The following ZFYVE28 variants were observed in gnomAD, a reference collection of about 807,000 sequenced individuals.
ZFYVE28 encodes zinc finger FYVE-type containing 28.
ZFYVE28 carries 40 observed loss-of-function variants against 82.1 expected under a neutral mutation model. That is an observed-to-expected ratio of 0.49 (90% CI 0.38 to 0.63). ZFYVE28 has a LOEUF of 0.63. Ranked by LOEUF, ZFYVE28 falls within the 30% of genes least tolerant of loss-of-function variation. The pLI, the probability that ZFYVE28 is intolerant of heterozygous loss-of-function variation, is 0.00. For synonymous variants in ZFYVE28, 612 were observed against 546.1 expected (o/e 1.12, Z -1.68); for missense variants, 1,321 against 1,242.1 (o/e 1.06, Z -0.96).
intron 7 of ZFYVE28, among the ~76,000 whole-genome samples, chr4:2,308,627 CAG>C (rs1553830470): frequency 5.0e-5 from 4 of 79,522 alleles, no homozygotes; most frequent in Middle Eastern, 9.6e-3. Context: ...AGAAAGAAGA[CAG>C]AAAGAAAGAA....
chr4:2,319,827 TGGTGGGGAC>T (rs1183653246), intron 7 of ZFYVE28, among the ~76,000 whole-genome samples: 33 of 18,544 alleles, frequency 1.8e-3, no homozygotes, highest in South Asian at 0.016. Flanking sequence ...ATGGTGGGGA[TGGTGGGGAC>T]GGTGGGGACG....
chr4:2,359,942 C>T (rs181438509), intron 1 of ZFYVE28, among the ~76,000 whole-genome samples: 2 of 152,190 alleles, frequency 1.3e-5, no homozygotes, highest in Non-Finnish European at 2.9e-5. Flanking sequence ...ACCCTGGGGA[C>T]CCCCATCCAC....
intron 8 of ZFYVE28, among the ~76,000 whole-genome samples, chr4:2,304,008 G>A (rs568656762): frequency 6.6e-5 from 10 of 152,346 alleles, no homozygotes; most frequent in South Asian, 2.1e-4. Flanking sequence ...TTGGCACTGC[G>A]CCCATGTCAC....
chr4:2,384,884 T>C (rs1408954338), intron 1 of ZFYVE28, among the ~76,000 whole-genome samples: 2 of 152,102 alleles, frequency 1.3e-5, no homozygotes, highest in African/African-American at 2.4e-5. Flanking sequence ...CTTTTCAAGA[T>C]GTGACGGAGA....
rs1716309407 is a variant in ZFYVE28 at position 2,304,941 on chromosome 4, C to T, written c.1399G>A (p.Gly467Ser). The change falls in exon 8 of 13, where the codon GGC becomes AGC. Residue 467 changes from glycine to serine, a missense_variant. This residue lies in a region of ZFYVE28 where 978 missense variants were observed against 833.7 expected (regional missense o/e 1.17). Transcript: ENST00000290974. ...DLSNNNLEAE[G>S]TDGASLAGTS... is the part of the protein sequence containing the mutation. ...CCCGCGAGGCTGGCCCCATCTGTGC[C>T]CTCGGCCTCGAGATTGTTGTTGCTC... 6 of 1,612,700 alleles carry T rather than the reference C, an allele frequency of 3.7e-6. No individual in the cohort carries two copies. Among genetic ancestry groups the T allele is most frequent in the Non-Finnish European group, 5.1e-6 (6 of 1,179,884 alleles).
chr4:2,398,823 CGGGGGCAAGATCGAGGGCACAAGG>C (rs1448608728), intron 1 of ZFYVE28, among the ~76,000 whole-genome samples: 67 of 2,832 alleles, frequency 0.024, 3 homozygotes, highest in South Asian at 0.047. Context: ...AGGGCACAAG[CGGGGGCAAGATCGAGGGCACAAGG>C]GGGGTATGAG....
At chr4:2,392,758 C>T (rs902426805) in intron 1 of ZFYVE28, among the ~76,000 whole-genome samples, 3 of 152,136 alleles carry the variant, frequency 2.0e-5, no homozygotes, top group African/African-American at 4.8e-5. Context: ...GGAAACATTA[C>T]GTTCTCTTCA....
Position 2,341,673 on chromosome 4 carries a change from T to G in ZFYVE28, c.181-58A>C. On this transcript the variant is annotated intron_variant, in intron 2 of 12. Coordinates refer to ENST00000290974, the MANE Select transcript of ZFYVE28 (RefSeq NM_020972.3). The surrounding 1 kb of genome is among the most constrained non-coding windows in gnomAD (Gnocchi z 4.5). Reference sequence around the variant, plus strand: ...CGCTGTGTCCAGCTGGCGGCCGCCATGTACTGCTGGAAAACACGCACGGTG... The same window carrying G: ...CGCTGTGTCCAGCTGGCGGCCGCCAGGTACTGCTGGAAAACACGCACGGTG... 7 of 1,579,942 alleles carry G rather than the reference T, an allele frequency of 4.4e-6. No homozygotes were observed. Among genetic ancestry groups the G allele is most frequent in the Non-Finnish European group, 6.1e-6 (7 of 1,156,426 alleles).
intron 1 of ZFYVE28, among the ~76,000 whole-genome samples, chr4:2,376,019 G>A (rs1728095332): frequency 1.3e-5 from 2 of 151,560 alleles, no homozygotes; most frequent in East Asian, 2.0e-4. Context: ...GATTACAGGC[G>A]CCTGCCACCA....
intron 1 of ZFYVE28, among the ~76,000 whole-genome samples, chr4:2,388,805 G>C (rs1162382661): frequency 1.3e-5 from 2 of 152,180 alleles, no homozygotes; most frequent in Non-Finnish European, 2.9e-5. Context: ...GGAGGGACCA[G>C]ACCACCCAGA....
Position 2,337,726 on chromosome 4 carries a change from G to A in ZFYVE28, c.522-230C>T, listed in dbSNP as rs548897103. Among the ~76,000 whole-genome samples the A allele has an allele frequency of 3.3e-5, 5 of 152,252 alleles. No homozygotes were observed. In the South Asian group the frequency reaches 1.0e-3, roughly 32 times the overall value. On this transcript the variant is annotated intron_variant, in intron 4 of 12. Coordinates refer to ENST00000290974, the MANE Select transcript of ZFYVE28 (RefSeq NM_020972.3). ...ATCTCTACAAAAAATAAAAAAGTCG[G>A]GTGTGGTGGTGGCAGGCACCTACAG...
At chr4:2,402,540 C>G (rs1008208) in intron 1 of ZFYVE28, among the ~76,000 whole-genome samples, 61,293 of 151,984 alleles carry the variant, frequency 0.4, 13,129 homozygotes, top group East Asian at 0.57. Context: ...ACAGCGCCAG[C>G]ATCACTGTTT....
chr4:2,303,237 C>T (rs531645733), intron 8 of ZFYVE28, among the ~76,000 whole-genome samples: 47 of 152,300 alleles, frequency 3.1e-4, no homozygotes, highest in South Asian at 1.0e-3. Flanking sequence ...ACTCCTCCAG[C>T]GAGCTCACGA....
At chr4:2,305,612 C>A in intron 7 of ZFYVE28, 76 bp from the exon 8 acceptor site, 2 of 1,548,814 alleles carry the variant, frequency 1.3e-6, no homozygotes, top group South Asian at 1.2e-5. Flanking sequence ...GTGGACGCAG[C>A]ACCCTGGAGT....
intron 1 of ZFYVE28, among the ~76,000 whole-genome samples, chr4:2,360,061 G>A (rs1725900896): frequency 6.6e-6 from 1 of 152,090 alleles, no homozygotes; most frequent in South Asian, 2.1e-4. Flanking sequence ...GTGGTTCTCT[G>A]TGATTTGAGG....
Position 2,320,073 on chromosome 4 carries a change from G to C in ZFYVE28, c.803+97C>G. On this transcript the variant is annotated intron_variant, in intron 7 of 12. Transcript: ENST00000290974. This position sits in a 1 kb window ranked among gnomAD's most constrained non-coding sequence, Gnocchi z 5.1. ...AGCCCATCCTTCCTCACAGAGAGGA[G>C]GAGGACCTGGAGGCGGCGGCTAAAC... The C allele has an allele frequency of 1.8e-6, 2 of 1,129,482 alleles. No individual in the cohort carries two copies. Among genetic ancestry groups the C allele is most frequent in the South Asian group, 1.4e-5 (1 of 72,804 alleles). The allele number at this position is 1,129,482 out of a possible 1,614,324, so 70.0% of individuals were successfully genotyped here.
intron 1 of ZFYVE28, among the ~76,000 whole-genome samples, chr4:2,412,732 C>G (rs1423488805): frequency 6.6e-6 from 1 of 152,204 alleles, no homozygotes; most frequent in Non-Finnish European, 1.5e-5. Flanking sequence ...CACTTACCAG[C>G]TCTCAGATGT....
At chr4:2,410,151 C>T (rs1316853926) in intron 1 of ZFYVE28, among the ~76,000 whole-genome samples, 1 of 152,166 alleles carries the variant, frequency 6.6e-6, no homozygotes, top group African/African-American at 2.4e-5. Flanking sequence ...TTAGAGGGTA[C>T]AATACAATGG....
At chr4:2,414,356 G>C (rs1732819048) in intron 1 of ZFYVE28, among the ~76,000 whole-genome samples, 1 of 152,244 alleles carries the variant, frequency 6.6e-6, no homozygotes, top group Admixed American at 6.5e-5. Context: ...CACACACCCA[G>C]CAAGTCACTC....
Sources: allele counts gnomAD v4.1 joint callset (sites outside exome capture counted in the v4.1 genomes callset), GRCh38; gene constraint gnomAD v4.1.1; regional missense constraint gnomAD v4.1.1; non-coding constraint Gnocchi (gnomAD v3.1); transcripts MANE v1.5; gene names NCBI Gene and HGNC (gene_info 2026-07-23, HGNC 2026-07-21).